SDK1: variants seen among roughly 807,000 people sequenced by gnomAD.
SDK1 encodes sidekick cell adhesion molecule 1.
Under a neutral mutation model 245.5 loss-of-function variants are expected in SDK1, and 157 were observed. That is an observed-to-expected ratio of 0.64 (90% CI 0.56 to 0.73). The LOEUF is 0.73. Ranked by LOEUF, SDK1 falls within the 30% of genes least tolerant of loss-of-function variation. The probability of loss-of-function intolerance (pLI) is 0.00; values close to 1 mark genes in which losing one functional copy is unlikely to be tolerated. For missense variants in SDK1, 3,583 were observed against 3,002.3 expected, an observed-to-expected ratio of 1.19 and a Z score of -4.52; for synonymous variants, 1,647 against 1,278.5, an observed-to-expected ratio of 1.29 and a Z score of -6.15.
rs528477634 is a variant in SDK1 at position 3,944,950 on chromosome 7, G to C, written c.848-5973G>C. Among the ~76,000 whole-genome samples the C allele has an allele frequency of 1.7e-3, 261 of 152,300 alleles. 1 individual carries two copies. The highest frequency in any genetic ancestry group is 2.9e-3 in the Non-Finnish European group (195 of 68,024). On this transcript the variant is annotated intron_variant, in intron 5 of 44. Transcript: ENST00000404826. ...GAGAGCTATTAGCTACTAGCATGGA[G>C]GGGGAGCCATTGCTAGTTTGTATAA...
chr7:3,861,780 C>T lies in SDK1; in HGVS notation c.847+40197C>T, dbSNP rs145392123. Among the ~76,000 whole-genome samples, 149 of 152,216 alleles carry T rather than the reference C, an allele frequency of 9.8e-4. 1 individual carries two copies. The East Asian group carries it at 0.023, about 23-fold the overall frequency. On this transcript the variant is annotated intron_variant, in intron 5 of 44. Coordinates refer to ENST00000404826, the MANE Select transcript of SDK1 (RefSeq NM_152744.4). Reference sequence around the variant, plus strand: ...TCACATGGCTTGTGGACTAATTTTACCCTCTCCCGTCAATGTGAACCTAAG... The same window carrying T: ...TCACATGGCTTGTGGACTAATTTTATCCTCTCCCGTCAATGTGAACCTAAG...
intron 1 of SDK1, among the ~76,000 whole-genome samples, chr7:3,376,649 G>A (rs1217419163): frequency 6.6e-6 from 1 of 152,138 alleles, no homozygotes; most frequent in African/African-American, 2.4e-5. Context: ...ATACGGTGTG[G>A]GTGGGGACAC....
intron 1 of SDK1, among the ~76,000 whole-genome samples, chr7:3,439,074 A>T (rs1265667380): frequency 6.6e-6 from 1 of 151,694 alleles, no homozygotes; most frequent in East Asian, 1.9e-4. Context: ...GCTGGTCTCA[A>T]ACTCCTGACC....
intron 4 of SDK1, among the ~76,000 whole-genome samples, chr7:3,783,376 A>G (rs910668409): frequency 6.6e-6 from 1 of 152,142 alleles, no homozygotes; most frequent in Non-Finnish European, 1.5e-5. Flanking sequence ...GGCAAGAAAA[A>G]TAAATAGAAG....
In SDK1 at chr7:3,800,949, T is replaced by C. The variant is rs77688860; in HGVS notation, c.714-20501T>C. Among the ~76,000 whole-genome samples, 157 of 152,310 alleles carry C rather than the reference T, an allele frequency of 1.0e-3. 6 individuals are homozygous for C. In the East Asian group the frequency reaches 0.026, roughly 25 times the overall value. On this transcript the variant is annotated intron_variant, in intron 4 of 44. Transcript: ENST00000404826. ...GTTCTAGTTGAACACCCTTTAACTT[T>C]CTTTTTTACACGTTTTTACACCCTT...
At chr7:3,474,159 G>T (rs1343367718) in intron 1 of SDK1, among the ~76,000 whole-genome samples, 1 of 139,768 alleles carries the variant, frequency 7.2e-6, no homozygotes, top group Non-Finnish European at 1.5e-5. Flanking sequence ...CTGGGGCGCG[G>T]TGGCTCAATC....
chr7:3,505,933 A>T (rs1278646492), intron 1 of SDK1, among the ~76,000 whole-genome samples: 1 of 152,106 alleles, frequency 6.6e-6, no homozygotes, highest in African/African-American at 2.4e-5. Flanking sequence ...AATTACTGTT[A>T]TGCATTTTAT....
rs869083123 is a variant in SDK1 at position 3,474,091 on chromosome 7, G to GTTTTTTTTTTT, written c.299-144968_299-144958dup. Reference sequence around the variant, plus strand: ...CAACTTGACATCTCTACCAGATGGTGTTTTTTTTTTTTTTTTTTTTTTTTT... The same window carrying GTTTTTTTTTTT: ...CAACTTGACATCTCTACCAGATGGTGTTTTTTTTTTTTTTTTTTTTTTTTTTTTTTTTTTTT... On this transcript the variant is annotated intron_variant, in intron 1 of 44. Transcript: ENST00000404826. Among the ~76,000 whole-genome samples, 10 of 43,228 alleles carry GTTTTTTTTTTT rather than the reference G, an allele frequency of 2.3e-4. 3 individuals carry two copies. The highest frequency in any genetic ancestry group is 9.1e-4 in the African/African-American group (9 of 9,910). The allele number at this position is 43,228 out of a possible 152,430, so 28.4% of individuals were successfully genotyped here.
intron 1 of SDK1, among the ~76,000 whole-genome samples, chr7:3,380,491 C>T (rs555256293): frequency 2.6e-5 from 4 of 152,292 alleles, no homozygotes; most frequent in African/African-American, 9.6e-5. Context: ...TTCAGGCTGA[C>T]AATATGTGTT....
At chr7:3,459,888 C>A (rs1562499009) in intron 1 of SDK1, among the ~76,000 whole-genome samples, 1 of 152,192 alleles carries the variant, frequency 6.6e-6, no homozygotes. Flanking sequence ...GAGAAGGTAT[C>A]TCTCGTGTTT....
chr7:3,475,030 A>T (rs1191793900), intron 1 of SDK1, among the ~76,000 whole-genome samples: 1 of 152,036 alleles, frequency 6.6e-6, no homozygotes, highest in Non-Finnish European at 1.5e-5. Flanking sequence ...CCCTGCATTC[A>T]CTTGGTACTC....
rs556461171 is a variant in SDK1, at chr7:3,324,757, A to T, written c.298+22873A>T. 1.4e-3 allele frequency among the ~76,000 whole-genome samples: 210 copies of T among 152,254 alleles called. 4 individuals carry two copies. The highest frequency in any genetic ancestry group is 4.9e-3 in the African/African-American group (204 of 41,568). ...CAATTTGAGGTAGTTGCTGGTTTTT[A>T]TATTTTTATTTTTTTGACCAGTGCT... On this transcript the variant is annotated intron_variant, in intron 1 of 44. Coordinates refer to ENST00000404826, the MANE Select transcript of SDK1 (RefSeq NM_152744.4).
At position 3,455,974 on chromosome 7, in the gene SDK1, G is replaced by T. The variant is rs535832783; in HGVS notation, c.298+154090G>T. 3.3e-5 allele frequency among the ~76,000 whole-genome samples: 5 copies of T among 152,230 alleles called. 1 individual carries two copies. In the Middle Eastern group the frequency reaches 0.014, roughly 414 times the overall value. ...TTGTCTTAGAATGTTCTTATTTGTT[G>T]TTCATTCCTCAAGGGTGATTTCACT... On this transcript the variant is annotated intron_variant, in intron 1 of 44. Transcript: ENST00000404826.
At chr7:3,910,552 C>T (rs1180565330) in intron 5 of SDK1, among the ~76,000 whole-genome samples, 5 of 152,142 alleles carry the variant, frequency 3.3e-5, no homozygotes, top group Admixed American at 6.5e-5. Context: ...TTACCTTCGG[C>T]GCTACCATCC....
intron 4 of SDK1, among the ~76,000 whole-genome samples, chr7:3,665,979 T>C: frequency 6.6e-6 from 1 of 152,286 alleles, no homozygotes; most frequent in East Asian, 1.9e-4. Flanking sequence ...CACTTCCTAT[T>C]CCAATTAGTC....
At chr7:3,638,605 A>AG (rs931478834) in intron 2 of SDK1, among the ~76,000 whole-genome samples, 1 of 128,612 alleles carries the variant, frequency 7.8e-6, no homozygotes, top group Non-Finnish European at 1.6e-5. Context: ...GGACACAGGA[A>AG]GGGAAACATC....
At chr7:3,473,805 G>T (rs1442387385) in intron 1 of SDK1, among the ~76,000 whole-genome samples, 2 of 152,000 alleles carry the variant, frequency 1.3e-5, no homozygotes, top group African/African-American at 4.8e-5. Context: ...TGATGAACAT[G>T]AGCTGAAAAT....
chr7:3,306,912 A>G (rs757291602), intron 1 of SDK1, among the ~76,000 whole-genome samples: 1 of 152,190 alleles, frequency 6.6e-6, no homozygotes, highest in Non-Finnish European at 1.5e-5. Context: ...GATTCTGATT[A>G]GGTCACGGCT....
At chr7:4,091,859 A>T (rs1467734129) in intron 22 of SDK1, among the ~76,000 whole-genome samples, 1 of 152,076 alleles carries the variant, frequency 6.6e-6, no homozygotes, top group African/African-American at 2.4e-5. Flanking sequence ...CTCATTCTTA[A>T]TGCCGGAATT....
Sources: gnomAD v4.1 joint callset for allele counts (sites outside exome capture counted in the v4.1 genomes callset) on GRCh38, gnomAD v4.1.1 for gene constraint, MANE v1.5 for transcripts, NCBI Gene and HGNC (gene_info 2026-07-23, HGNC 2026-07-21) for gene names.